VPS53: variants seen among roughly 807,000 people sequenced by gnomAD.
VPS53 encodes VPS53 subunit of GARP complex.
In VPS53, 70 loss-of-function variants were observed where a neutral mutation model predicts 107.0. The ratio of observed to expected loss-of-function variants is 0.65; its 90% CI spans 0.54 to 0.80. VPS53 has a LOEUF of 0.80. VPS53 is among the 30% of genes least tolerant of loss of function. VPS53 has a pLI of 0.00. For synonymous variants in VPS53, 409 were observed against 393.3 expected, an observed-to-expected ratio of 1.04 and a Z score of -0.47; for missense variants, 917 against 1,049.4, an observed-to-expected ratio of 0.87 and a Z score of 1.74.
intron 12 of VPS53, among the ~76,000 whole-genome samples, chr17:591,752 TATA>T (rs1967669039): frequency 6.6e-6 from 1 of 152,250 alleles, no homozygotes; most frequent in Admixed American, 6.5e-5. Context: ...GATAGTTTGT[TATA>T]ATTTCTTTTA....
At chr17:599,039 G>A (rs1208422575) in intron 12 of VPS53, among the ~76,000 whole-genome samples, 4 of 130,528 alleles carry the variant, frequency 3.1e-5, no homozygotes, top group African/African-American at 8.3e-5. Flanking sequence ...CGCCCCATCC[G>A]GGAGGTGAGG....
At chr17:599,007 G>C (rs1335957417) in intron 12 of VPS53, among the ~76,000 whole-genome samples, 1 of 88,070 alleles carries the variant, frequency 1.1e-5, no homozygotes, top group African/African-American at 4.3e-5. Context: ...GGGGGGGGGG[G>C]TCAGCCCCCA....
intron 11 of VPS53, among the ~76,000 whole-genome samples, chr17:604,422 G>A (rs559447582): frequency 6.6e-6 from 1 of 152,292 alleles, no homozygotes; most frequent in East Asian, 1.9e-4. Context: ...CCGGTGTAAA[G>A]CATCAAGAAA....
chr17:705,756 C>T (rs1277802951), intron 2 of VPS53: 1 of 152,068 alleles, frequency 6.6e-6, no homozygotes, highest in Non-Finnish European at 1.5e-5. Context: ...TAATAATACT[C>T]AGCTGGGTGT....
At chr17:593,504 G>A (rs937475440) in intron 12 of VPS53, among the ~76,000 whole-genome samples, 1 of 152,052 alleles carries the variant, frequency 6.6e-6, no homozygotes, top group Non-Finnish European at 1.5e-5. Context: ...CAAAGGACAT[G>A]AACAGACACT....
chr17:699,895 T>A (rs1973130647), intron 2 of VPS53, among the ~76,000 whole-genome samples: 1 of 152,164 alleles, frequency 6.6e-6, no homozygotes, highest in Admixed American at 6.5e-5. Flanking sequence ...CTAACATAAT[T>A]CTCCTGTTAG....
chr17:556,963 G>A (rs1912482821), intron 15 of VPS53, among the ~76,000 whole-genome samples: 2 of 152,144 alleles, frequency 1.3e-5, no homozygotes, highest in African/African-American at 4.8e-5. Context: ...CTGAAGCGGG[G>A]ACCTGAGGCT....
intron 4 of VPS53, among the ~76,000 whole-genome samples, chr17:670,630 C>G (rs1971895802): frequency 6.6e-6 from 1 of 152,222 alleles, no homozygotes; most frequent in East Asian, 1.9e-4. Context: ...GAGCATCCCT[C>G]TGGCTCTCAG....
intron 14 of VPS53, among the ~76,000 whole-genome samples, chr17:561,634 T>C (rs1277654752): frequency 6.6e-6 from 1 of 152,172 alleles, no homozygotes; most frequent in East Asian, 1.9e-4. Context: ...TATTTATTTA[T>C]TTATTTATTT....
chr17:548,190 G>A (rs1427670450), intron 17 of VPS53, among the ~76,000 whole-genome samples: 1 of 152,236 alleles, frequency 6.6e-6, no homozygotes, highest in East Asian at 1.9e-4. Flanking sequence ...GGAGTAAAGA[G>A]ATAGATAATG....
At chr17:667,132 C>T (rs1486586897) in intron 4 of VPS53, among the ~76,000 whole-genome samples, 4 of 152,032 alleles carry the variant, frequency 2.6e-5, no homozygotes, top group Admixed American at 1.3e-4. Context: ...GTTTTTGGAC[C>T]GAAACTCATT....
chr17:560,387 G>A, intron 15 of VPS53, 39 bp downstream of exon 15: 1 of 1,596,368 alleles, frequency 6.3e-7, no homozygotes, highest in Non-Finnish European at 8.5e-7. Flanking sequence ...AGAGGGTTCA[G>A]GAAAAGGAGG....
At chr17:658,031 C>G (rs12938264) in intron 5 of VPS53, among the ~76,000 whole-genome samples, 2 of 56,064 alleles carry the variant, frequency 3.6e-5, no homozygotes, top group African/African-American at 7.5e-5. Flanking sequence ...TAGATACATC[C>G]CACTAAAGTG....
intron 4 of VPS53, among the ~76,000 whole-genome samples, chr17:683,403 A>G (rs942383161): frequency 5.9e-5 from 9 of 152,204 alleles, no homozygotes; most frequent in African/African-American, 1.4e-4. Flanking sequence ...CTGCCAACCT[A>G]GAGTCCTAAA....
Position 714,838 on chromosome 17 carries a change from T to A in VPS53, c.-129A>T. On this transcript the variant is annotated 5_prime_UTR_variant, in exon 1 of 22. Transcript: ENST00000437048. ...GAGCCCGGCTCCGTCAGCCGCTCTGTCAGCCGCTCCGGCACTTCCGGCAGG... is the reference window on the plus strand; with the variant it reads ...GAGCCCGGCTCCGTCAGCCGCTCTGACAGCCGCTCCGGCACTTCCGGCAGG... The A allele has an allele frequency of 9.6e-7, 1 of 1,038,436 alleles. No homozygotes were observed. The highest frequency in any genetic ancestry group is 1.5e-6 in the Non-Finnish European group (1 of 682,122). The allele number at this position is 1,038,436 out of a possible 1,614,324, so 64.3% of individuals were successfully genotyped here. A position where few individuals can be genotyped will look rare whatever the true frequency, so the allele number is the denominator to read the frequency against.
Position 518,180 on chromosome 17 carries a change from C to G in VPS53, c.*948G>C, listed in dbSNP as rs1042663248. Reference sequence around the variant, plus strand: ...AGGGAACCGAGTGAATCAGGGTTAACGGCTTGATATGCTGCCATTCTCTGG... The same window carrying G: ...AGGGAACCGAGTGAATCAGGGTTAAGGGCTTGATATGCTGCCATTCTCTGG... On this transcript the variant is annotated 3_prime_UTR_variant, in exon 22 of 22. Transcript: ENST00000437048. 1.4e-4 allele frequency: 21 copies of G among 150,916 alleles called. No individual in the cohort carries two copies. The highest frequency in any genetic ancestry group is 4.0e-4 in the Admixed American group (6 of 15,162). The allele number at this position is 150,916 out of a possible 1,614,324, so 9.3% of individuals were successfully genotyped here.
intron 13 of VPS53, among the ~76,000 whole-genome samples, chr17:579,295 A>G (rs1252280249): frequency 3.4e-5 from 5 of 148,096 alleles, no homozygotes; most frequent in African/African-American, 1.3e-4. Flanking sequence ...CTCAGAACCT[A>G]ATGCGTTCCC....
At chr17:648,169 T>C (rs1308835913) in intron 7 of VPS53, among the ~76,000 whole-genome samples, 1 of 152,204 alleles carries the variant, frequency 6.6e-6, no homozygotes, top group African/African-American at 2.4e-5. Flanking sequence ...TGTGATACAC[T>C]TAGCCAAGTA....
At chr17:675,095 T>C (rs1972100897) in intron 4 of VPS53, 1 of 152,200 alleles carries the variant, frequency 6.6e-6, no homozygotes, top group East Asian at 1.9e-4. Flanking sequence ...TTGCTTACAG[T>C]GAATGAATCA....
Sources: gnomAD v4.1 joint callset for allele counts (sites outside exome capture counted in the v4.1 genomes callset) on GRCh38, gnomAD v4.1.1 for gene constraint, MANE v1.5 for transcripts, NCBI Gene and HGNC (gene_info 2026-07-23, HGNC 2026-07-21) for gene names.